Variants in SFMBT1 observed in about 807,000 individuals in gnomAD.
SFMBT1 encodes the protein Scm like with four mbt domains 1, also known as scm-like with four MBT domains protein 1.
In SFMBT1, 32 loss-of-function variants were observed where a neutral mutation model predicts 108.7. That is an observed-to-expected ratio of 0.29 (90% confidence interval 0.22 to 0.40). The LOEUF is 0.40. Ranked by LOEUF, SFMBT1 falls within the 10% of genes least tolerant of loss-of-function variation. The pLI, the probability that SFMBT1 is intolerant of heterozygous loss-of-function variation, is 1.00. For missense variants in SFMBT1, 816 were observed against 1,059.6 expected (o/e 0.77, Z 3.19); for synonymous variants, 348 against 369.5 (o/e 0.94, Z 0.67).
At chr3:52,937,458 A>T (rs1033011576) in intron 4 of SFMBT1, among the ~76,000 whole-genome samples, 3 of 152,332 alleles carry the variant, frequency 2.0e-5, no homozygotes, top group African/African-American at 7.2e-5. Flanking sequence ...TGCATAAAAT[A>T]TTTACAAGGT....
chr3:52,995,820 T>G (rs1485164135), intron 1 of SFMBT1, among the ~76,000 whole-genome samples: 3 of 149,856 alleles, frequency 2.0e-5, no homozygotes, highest in African/African-American at 7.3e-5. Flanking sequence ...GCCTATAATC[T>G]TAGCACTTTG....
At chr3:53,000,142 G>A (rs1385402271) in intron 1 of SFMBT1, among the ~76,000 whole-genome samples, 2 of 149,950 alleles carry the variant, frequency 1.3e-5, no homozygotes, top group African/African-American at 4.9e-5. Flanking sequence ...GATTACAGGC[G>A]TGAGCCACCG....
intron 1 of SFMBT1, among the ~76,000 whole-genome samples, chr3:52,970,710 G>A (rs1466948789): frequency 2.0e-5 from 3 of 150,366 alleles, no homozygotes; most frequent in Non-Finnish European, 3.0e-5. Context: ...AGTTTTGAGT[G>A]TGTATTAGAG....
intron 1 of SFMBT1, among the ~76,000 whole-genome samples, chr3:52,970,415 T>C (rs1481563224): frequency 6.6e-6 from 1 of 152,218 alleles, no homozygotes; most frequent in Non-Finnish European, 1.5e-5. Context: ...TCACTTATCA[T>C]GTTTTTGAGG....
intron 1 of SFMBT1, among the ~76,000 whole-genome samples, chr3:52,997,917 G>A (rs189111706): frequency 1.3e-5 from 2 of 150,644 alleles, no homozygotes; most frequent in African/African-American, 4.8e-5. Context: ...ACAACGTGTT[G>A]GTCAATTGGA....
chr3:53,031,205 T>C (rs1699673800), intron 1 of SFMBT1, among the ~76,000 whole-genome samples: 1 of 152,204 alleles, frequency 6.6e-6, no homozygotes, highest in Non-Finnish European at 1.5e-5. Context: ...CTGGCTTGGA[T>C]TCTGAAGCTC....
intron 1 of SFMBT1, among the ~76,000 whole-genome samples, chr3:53,021,209 T>A (rs1458940554): frequency 6.6e-6 from 1 of 152,240 alleles, no homozygotes; most frequent in African/African-American, 2.4e-5. Context: ...AATTCAATTA[T>A]CACTTCTCTA....
chr3:52,912,050 T>A (rs865827850), intron 16 of SFMBT1, among the ~76,000 whole-genome samples: 1 of 152,308 alleles, frequency 6.6e-6, no homozygotes, highest in Middle Eastern at 3.4e-3. Flanking sequence ...ATAAATGTAT[T>A]GATCCATGAA....
At chr3:52,988,466 G>A (rs1458812788) in intron 1 of SFMBT1, among the ~76,000 whole-genome samples, 1 of 152,260 alleles carries the variant, frequency 6.6e-6, no homozygotes, top group Middle Eastern at 3.4e-3. Flanking sequence ...CAACTCCAGG[G>A]TAATGCTGCT....
chr3:52,958,677 G>A (rs1334305703), intron 2 of SFMBT1, among the ~76,000 whole-genome samples: 1 of 152,136 alleles, frequency 6.6e-6, no homozygotes, highest in Non-Finnish European at 1.5e-5. Flanking sequence ...CACTGTTGGT[G>A]GGAATGTAAA....
At chr3:52,930,044 A>G (rs1702808703) in intron 8 of SFMBT1, among the ~76,000 whole-genome samples, 1 of 152,144 alleles carries the variant, frequency 6.6e-6, no homozygotes, top group Non-Finnish European at 1.5e-5. Flanking sequence ...AAAGGAGTTA[A>G]ATCTCCTTTA....
In SFMBT1 at chr3:52,932,116, G is replaced by C. The variant is rs1702877894; in HGVS notation, c.646C>G (p.Leu216Val). The C allele has an allele frequency of 6.2e-7, 1 of 1,614,062 alleles. No individual in the cohort carries two copies. Among genetic ancestry groups the C allele is most frequent in the African/African-American group, 1.3e-5 (1 of 74,938 alleles). The change falls in exon 6 of 21, where the codon CTT becomes GTT. Residue 216 changes from leucine (L) to valine (V), a missense_variant. Leu to Val is a conservative substitution (Grantham distance 32). This residue lies in a region of SFMBT1 where 495 missense variants were observed against 607.4 expected (regional missense o/e 0.81). Transcript: ENST00000394752. ...EHWLYYLDPF[L>V]HHVGWAAQQG... ...TGAGCAGCCCAACCAACGTGATGAA[G>C]AAATGGATCCAAGTAATACAACCAA...
At chr3:52,924,519 A>G (rs570303900) in intron 10 of SFMBT1, among the ~76,000 whole-genome samples, 35 of 152,146 alleles carry the variant, frequency 2.3e-4, no homozygotes, top group African/African-American at 8.2e-4. Context: ...GCGGGCGCCT[A>G]TAATTCCAGC....
chr3:52,956,527 G>A (rs913962384), intron 2 of SFMBT1, among the ~76,000 whole-genome samples: 4 of 152,170 alleles, frequency 2.6e-5, no homozygotes, highest in South Asian at 2.1e-4. Flanking sequence ...TTGGAAGGCC[G>A]AGGCTGGTGG....
chr3:52,953,913 CG>C (rs778175835), intron 3 of SFMBT1, among the ~76,000 whole-genome samples: 15 of 151,830 alleles, frequency 9.9e-5, no homozygotes, highest in Non-Finnish European at 2.1e-4. Flanking sequence ...GAGGATCACG[CG>C]GTCAGGAGAT....
chr3:52,996,582 A>G lies in SFMBT1; in HGVS notation c.-130-27324T>C, dbSNP rs1467114755. 1.3e-5 allele frequency among the ~76,000 whole-genome samples: 2 copies of G among 150,248 alleles called. 1 individual carries two copies. The highest frequency in any genetic ancestry group is 3.0e-5 in the Non-Finnish European group (2 of 67,118). The stretch of plus-strand genomic sequence containing the variant: ...CAAAGAAAATATATGAATGGCAAGC[A>G]CATGAAAAGATAATTAGTCACTAGG... On this transcript the variant is annotated intron_variant, in intron 1 of 20. Coordinates refer to ENST00000394752, the MANE Select transcript of SFMBT1 (RefSeq NM_016329.4).
intron 1 of SFMBT1, among the ~76,000 whole-genome samples, chr3:52,997,508 C>T (rs1698379600): frequency 6.7e-6 from 1 of 149,160 alleles, no homozygotes; most frequent in Admixed American, 6.8e-5. Flanking sequence ...TGCACTCCAG[C>T]CTGGGTGACA....
chr3:52,908,948 T>A (rs1415402830), intron 17 of SFMBT1, among the ~76,000 whole-genome samples: 2 of 152,224 alleles, frequency 1.3e-5, no homozygotes, highest in African/African-American at 4.8e-5. Context: ...TCTTCCAACT[T>A]TATTCTTTTT....
Position 52,948,059 on chromosome 3 carries a change from T to C in SFMBT1, c.124-4466A>G, listed in dbSNP as rs1289117901. ...TGCTTTTTCTGTATTTTTAAACAAA[T>C]CTTTTCCTATCTTTAAAGGTCATAA... is the stretch of plus-strand genomic sequence containing the variant. On this transcript the variant is annotated intron_variant, in intron 3 of 20. Transcript: ENST00000394752. 2.0e-5 allele frequency among the ~76,000 whole-genome samples: 3 copies of C among 152,208 alleles called. No individual in the cohort carries two copies. In the East Asian group the frequency reaches 5.8e-4, roughly 29 times the overall value.
Sources: allele counts gnomAD v4.1 joint callset (sites outside exome capture counted in the v4.1 genomes callset), GRCh38; gene constraint gnomAD v4.1.1; regional missense constraint gnomAD v4.1.1; transcripts MANE v1.5; gene names NCBI Gene and HGNC (gene_info 2026-07-23, HGNC 2026-07-21).